The following OSBPL10 variants were observed in gnomAD, a reference collection of about 807,000 sequenced individuals.
OSBPL10 encodes oxysterol-binding protein-related protein 10.
In OSBPL10, 49 loss-of-function variants were observed where a neutral mutation model predicts 81.7. The observed-to-expected ratio is 0.60, with a 90% CI of 0.48 to 0.76. The LOEUF is 0.76. Ranked by LOEUF, OSBPL10 falls within the 30% of genes least tolerant of loss-of-function variation. The probability of loss-of-function intolerance (pLI) is 0.00; values close to 1 mark genes in which losing one functional copy is unlikely to be tolerated. For synonymous variants in OSBPL10, 419 were observed against 383.6 expected (o/e 1.09, Z -1.08); for missense variants, 923 against 987.8 (o/e 0.93, Z 0.88).
At chr3:32,047,025 A>G (rs1215512812) in intron 1 of OSBPL10, among the ~76,000 whole-genome samples, 1 of 152,194 alleles carries the variant, frequency 6.6e-6, no homozygotes, top group African/African-American at 2.4e-5. Flanking sequence ...TCTTTGAGAC[A>G]GGGTCTTATT....
At chr3:31,965,437 AT>A (rs1698301982) in intron 1 of OSBPL10, among the ~76,000 whole-genome samples, 4 of 80,944 alleles carry the variant, frequency 4.9e-5, no homozygotes, top group African/African-American at 3.8e-4. Context: ...ATAATATATA[AT>A]ATATATTATA....
intron 1 of OSBPL10, among the ~76,000 whole-genome samples, chr3:31,920,677 G>T (rs998884069): frequency 2.0e-5 from 3 of 152,182 alleles, no homozygotes; most frequent in Admixed American, 2.0e-4. Flanking sequence ...CAAAATGTTG[G>T]AAGTGGGGCC....
chr3:31,725,089 A>T (rs550856587), intron 6 of OSBPL10, among the ~76,000 whole-genome samples: 85 of 152,350 alleles, frequency 5.6e-4, no homozygotes, highest in African/African-American at 2.0e-3. Context: ...CAGAATAATT[A>T]TAACTATTAT....
Position 31,748,615 on chromosome 3 carries a change from C to T in OSBPL10, c.730-495G>A, listed in dbSNP as rs895946020. 1.5e-4 allele frequency among the ~76,000 whole-genome samples: 21 copies of T among 138,896 alleles called. 1 individual carries two copies. The highest frequency in any genetic ancestry group is 2.4e-4 in the Non-Finnish European group (16 of 65,372). The allele number at this position is 138,896 out of a possible 152,430, so 91.1% of individuals were successfully genotyped here. On this transcript the variant is annotated intron_variant, in intron 4 of 11. Transcript: ENST00000396556. ...TTGTACAAAGGAGATTACAAAGAAA[C>T]CAATGCTGAGCCCCCTTCGCTCGCT...
Position 31,691,298 on chromosome 3 carries a change from G to A in OSBPL10, c.1246-7184C>T, listed in dbSNP as rs140397052. Among the ~76,000 whole-genome samples the A allele has an allele frequency of 2.6e-3, 400 of 152,228 alleles. 2 individuals carry two copies. Among genetic ancestry groups the A allele is most frequent in the African/African-American group, 8.9e-3 (371 of 41,542 alleles). On this transcript the variant is annotated intron_variant, in intron 7 of 11. Transcript: ENST00000396556. ...TGGGATCTTAGGCTCTTAGAAATCC[G>A]AAATAAACAATCACCCATAGGGGAA...
rs369848557 is a variant in OSBPL10 at position 32,069,447 on chromosome 3, C to A, written n.185+7949G>T. ...TGCCTAGTTGAAGGGCTTTAAAAGG[C>A]AGCTTATAAGCTGTTAATTATGACA... On this transcript the variant is annotated intron_variant and non_coding_transcript_variant, in intron 1 of 3. Coordinates refer to the OSBPL10 transcript ENST00000479173. Among the ~76,000 whole-genome samples the A allele has an allele frequency of 3.3e-4, 51 of 152,242 alleles. 2 individuals carry two copies. Among genetic ancestry groups the A allele is most frequent in the South Asian group, 1.2e-3 (6 of 4,820 alleles).
chr3:31,786,193 G>A (rs1427587402), intron 4 of OSBPL10, among the ~76,000 whole-genome samples: 1 of 152,148 alleles, frequency 6.6e-6, no homozygotes, highest in Non-Finnish European at 1.5e-5. Flanking sequence ...TTATAGAACG[G>A]GGAAATTGGT....
intron 7 of OSBPL10, among the ~76,000 whole-genome samples, chr3:31,687,371 A>G (rs1700818605): frequency 1.3e-5 from 2 of 152,172 alleles, no homozygotes; most frequent in Admixed American, 1.3e-4. Context: ...AACTGATACA[A>G]TATTTACTCT....
At chr3:31,775,307 A>AACC (rs1458579947) in intron 4 of OSBPL10, among the ~76,000 whole-genome samples, 1 of 152,160 alleles carries the variant, frequency 6.6e-6, no homozygotes, top group Non-Finnish European at 1.5e-5. Flanking sequence ...TTCCACTGAG[A>AACC]ACCATGGAAC....
intron 1 of OSBPL10, among the ~76,000 whole-genome samples, chr3:31,975,186 G>A (rs1698659776): frequency 1.3e-5 from 2 of 152,152 alleles, no homozygotes; most frequent in South Asian, 4.1e-4. Flanking sequence ...TTGTAACCTA[G>A]GCAACCATCC....
intron 11 of OSBPL10, chr3:31,663,855 G>C: frequency 7.0e-7 from 1 of 1,426,806 alleles, no homozygotes; most frequent in Non-Finnish European, 9.1e-7. Flanking sequence ...GAGGGGAAGT[G>C]TCAGTTGCTC....
chr3:31,819,601 C>T (rs758442693), intron 4 of OSBPL10, among the ~76,000 whole-genome samples: 1 of 152,154 alleles, frequency 6.6e-6, no homozygotes, highest in Admixed American at 6.5e-5. Flanking sequence ...TCTAGGAGGG[C>T]GAGACAGCCA....
chr3:31,689,081 AC>A (rs1559416966), intron 7 of OSBPL10, among the ~76,000 whole-genome samples: 2 of 152,216 alleles, frequency 1.3e-5, no homozygotes, highest in South Asian at 4.2e-4. Flanking sequence ...GCCAATTATT[AC>A]TGCCCAAATT....
intron 6 of OSBPL10, among the ~76,000 whole-genome samples, chr3:31,715,528 T>C (rs1211257277): frequency 6.6e-6 from 1 of 152,232 alleles, no homozygotes; most frequent in Non-Finnish European, 1.5e-5. Flanking sequence ...CCTTAATTTC[T>C]TGGTAATAGA....
At chr3:32,038,121 A>G (rs1699537391) in intron 2 of OSBPL10, among the ~76,000 whole-genome samples, 1 of 152,216 alleles carries the variant, frequency 6.6e-6, no homozygotes, top group African/African-American at 2.4e-5. Context: ...GGAGGAAGCT[A>G]CATGAGTCCA....
chr3:31,989,137 C>T lies in OSBPL10; in HGVS notation n.298+57354G>A, dbSNP rs774254717. 5.6e-6 allele frequency: 9 copies of T among 1,614,122 alleles called. No homozygotes were observed. In the East Asian group the frequency reaches 2.0e-4, roughly 36 times the overall value. ...AGAAAAGGAGCCAGGCATGGCTCTTCCTCAGGGACACTTGACTTTTAGGGA... is the reference window on the plus strand; with the variant it reads ...AGAAAAGGAGCCAGGCATGGCTCTTTCTCAGGGACACTTGACTTTTAGGGA... On this transcript the variant is annotated intron_variant and non_coding_transcript_variant, in intron 2 of 3. Coordinates refer to the OSBPL10 transcript ENST00000479173.
rs1178067280 is a variant in OSBPL10 at position 32,016,277 on chromosome 3, T to A, written n.298+30214A>T. Among the ~76,000 whole-genome samples the A allele has an allele frequency of 6.6e-5, 10 of 152,144 alleles. No homozygotes were observed. The East Asian group carries it at 1.3e-3, about 21-fold the overall frequency. On this transcript the variant is annotated intron_variant and non_coding_transcript_variant, in intron 2 of 3. Coordinates refer to the OSBPL10 transcript ENST00000479173. ...AATACTATGCAGCTATAAAAAATGATGAGTTCATGTCCTTTGCAGGGACAT... is the reference window on the plus strand; with the variant it reads ...AATACTATGCAGCTATAAAAAATGAAGAGTTCATGTCCTTTGCAGGGACAT...
At chr3:31,979,278 T>A (rs1043000875) in intron 1 of OSBPL10, among the ~76,000 whole-genome samples, 20 of 152,142 alleles carry the variant, frequency 1.3e-4, no homozygotes, top group Admixed American at 1.1e-3. Flanking sequence ...AATAAAAGGA[T>A]TCAAAAGTTA....
chr3:31,963,483 C>A (rs768752537), intron 1 of OSBPL10, among the ~76,000 whole-genome samples: 1 of 152,126 alleles, frequency 6.6e-6, no homozygotes. Flanking sequence ...CAAATGATGA[C>A]AGCAGGAGTG....
Sources: gnomAD v4.1 joint callset for allele counts (sites outside exome capture counted in the v4.1 genomes callset) on GRCh38, gnomAD v4.1.1 for gene constraint, MANE v1.5 for transcripts, NCBI Gene and HGNC (gene_info 2026-07-23, HGNC 2026-07-21) for gene names.